The following PIK3C2G variants were observed in gnomAD, a reference collection of about 807,000 sequenced individuals.
PIK3C2G encodes phosphatidylinositol-4-phosphate 3-kinase catalytic subunit type 2 gamma.
PIK3C2G carries 168 observed loss-of-function variants against 181.1 expected under a neutral mutation model. The ratio of observed to expected loss-of-function variants is 0.93; its 90% CI spans 0.82 to 1.05. The LOEUF is 1.05. PIK3C2G is among the 50% of genes least tolerant of loss of function. PIK3C2G has a pLI of 0.00. For missense variants in PIK3C2G, 1,869 were observed against 1,732.8 expected (o/e 1.08, Z -1.40); for synonymous variants, 573 against 592.2 (o/e 0.97, Z 0.47).
rs780614960 is a variant in PIK3C2G at position 18,562,922 on chromosome 12, C to G, written c.3780+30C>G. 2.1e-6 allele frequency: 3 copies of G among 1,453,486 alleles called. No homozygotes were observed. In the African/African-American group the frequency reaches 4.2e-5, roughly 20 times the overall value. The allele number at this position is 1,453,486 out of a possible 1,614,324, so 90.0% of individuals were successfully genotyped here. A position where few individuals can be genotyped will look rare whatever the true frequency, so the allele number is the denominator to read the frequency against. ...GTTTAAAGTCCGTCATCTTGACTTA[C>G]GTATCACTTGACTTTATCTCAGACT... On this transcript the variant is annotated intron_variant, in intron 27 of 32. Coordinates refer to ENST00000538779, the MANE Select transcript of PIK3C2G (RefSeq NM_001288772.2).
At chr12:18,430,018 G>A (rs529760794) in intron 18 of PIK3C2G, among the ~76,000 whole-genome samples, 1 of 152,224 alleles carries the variant, frequency 6.6e-6, no homozygotes, top group Non-Finnish European at 1.5e-5. Flanking sequence ...TCTCATCCTT[G>A]TTAATTCCTT....
intron 31 of PIK3C2G, among the ~76,000 whole-genome samples, chr12:18,622,379 G>C (rs1416576391): frequency 3.3e-5 from 5 of 151,852 alleles, no homozygotes; most frequent in Non-Finnish European, 7.4e-5. Context: ...TATTGTAAAT[G>C]ACAGAATTTC....
At chr12:18,416,842 T>C (rs746748689) in intron 16 of PIK3C2G, among the ~76,000 whole-genome samples, 7 of 152,200 alleles carry the variant, frequency 4.6e-5, no homozygotes, top group Non-Finnish European at 1.0e-4. Context: ...TAACAAAACA[T>C]CCATTCTGAA....
chr12:18,651,857 G>A (rs1449884522), downstream of PIK3C2G, among the ~76,000 whole-genome samples: 1 of 152,176 alleles, frequency 6.6e-6, no homozygotes, highest in Non-Finnish European at 1.5e-5. Context: ...GCAGGATGGA[G>A]CCAGGGGCAG....
Position 18,647,649 on chromosome 12 carries a change from T to C in PIK3C2G, c.4309-227T>C, listed in dbSNP as rs549189860. Among the ~76,000 whole-genome samples the C allele has an allele frequency of 5.3e-5, 8 of 150,640 alleles. No homozygotes were observed. In the South Asian group the frequency reaches 1.7e-3, roughly 31 times the overall value. ...AGTGGGTAATTCTTAGTGGAATCAG[T>C]AAATTCTAGGATTCTTACAAAAATA... On this transcript the variant is annotated intron_variant, in intron 32 of 32. Coordinates refer to ENST00000538779, the MANE Select transcript of PIK3C2G (RefSeq NM_001288772.2).
chr12:18,395,763 T>C (rs549100922), intron 15 of PIK3C2G, among the ~76,000 whole-genome samples: 2 of 151,550 alleles, frequency 1.3e-5, no homozygotes, highest in African/African-American at 2.4e-5. Flanking sequence ...GTTCCAAGTT[T>C]TTCATATTAT....
chr12:18,252,824 G>T (rs1214201427), intron 1 of PIK3C2G, among the ~76,000 whole-genome samples: 1 of 152,138 alleles, frequency 6.6e-6, no homozygotes, highest in Non-Finnish European at 1.5e-5. Flanking sequence ...GGGGAGAAGG[G>T]CAGGAGAAGG....
chr12:18,541,888 C>T (rs1944172687), intron 25 of PIK3C2G, among the ~76,000 whole-genome samples: 1 of 151,824 alleles, frequency 6.6e-6, no homozygotes. Context: ...GTCTCCTCTC[C>T]AAGGAACAGA....
intron 24 of PIK3C2G, among the ~76,000 whole-genome samples, chr12:18,521,374 C>T (rs764333910): frequency 6.6e-6 from 1 of 152,322 alleles, no homozygotes. Flanking sequence ...GCTGGCCTGC[C>T]GAATCTGTGG....
At chr12:18,562,941 T>G in intron 27 of PIK3C2G, 49 bp downstream of exon 27, 1 of 1,239,798 alleles carries the variant, frequency 8.1e-7, no homozygotes, top group Non-Finnish European at 1.2e-6. Context: ...TGACTTTATC[T>G]CAGACTTCTC....
chr12:18,692,889 A>G, the PIK3C2G span: 1 of 1,602,528 alleles, frequency 6.2e-7, no homozygotes, highest in Non-Finnish European at 8.5e-7. Flanking sequence ...GAAAAAGAAG[A>G]AGAAAACAAA....
chr12:18,513,593 T>A (rs1291282184), intron 24 of PIK3C2G, among the ~76,000 whole-genome samples: 1 of 151,826 alleles, frequency 6.6e-6, no homozygotes, highest in African/African-American at 2.4e-5. Flanking sequence ...TAATTGCTCA[T>A]CCCATTTTTT....
chr12:18,492,649 T>C (rs188178230), intron 20 of PIK3C2G, among the ~76,000 whole-genome samples: 3 of 152,352 alleles, frequency 2.0e-5, no homozygotes, highest in Admixed American at 2.0e-4. Context: ...TACCTTAATG[T>C]AGAAAGAACA....
chr12:18,449,565 C>T (rs1252194625), intron 18 of PIK3C2G, among the ~76,000 whole-genome samples: 1 of 152,078 alleles, frequency 6.6e-6, no homozygotes, highest in Non-Finnish European at 1.5e-5. Context: ...GTCTCCTGTT[C>T]CTGAGTTAGT....
chr12:18,637,646 T>C (rs1949665554), intron 31 of PIK3C2G, among the ~76,000 whole-genome samples: 1 of 152,178 alleles, frequency 6.6e-6, no homozygotes. Context: ...GGTTTCCCAA[T>C]TCAGTGACTG....
intron 30 of PIK3C2G, among the ~76,000 whole-genome samples, chr12:18,594,938 A>G (rs993050789): frequency 6.6e-6 from 1 of 152,076 alleles, no homozygotes; most frequent in Non-Finnish European, 1.5e-5. Context: ...ATTTGCACAC[A>G]TTAAAAATTT....
At chr12:18,303,138 C>T (rs1015114131) in intron 5 of PIK3C2G, among the ~76,000 whole-genome samples, 1 of 131,136 alleles carries the variant, frequency 7.6e-6, no homozygotes, top group Non-Finnish European at 1.7e-5. Flanking sequence ...TTCTTTCTTT[C>T]TTTTCTTTTC....
chr12:18,509,344 A>G (rs1565461915), intron 24 of PIK3C2G, among the ~76,000 whole-genome samples: 1 of 152,206 alleles, frequency 6.6e-6, no homozygotes, highest in Non-Finnish European at 1.5e-5. Flanking sequence ...CACTGCACCC[A>G]GTTACAAAAT....
intron 31 of PIK3C2G, among the ~76,000 whole-genome samples, chr12:18,636,427 C>T (rs1389905127): frequency 1.3e-5 from 2 of 152,106 alleles, no homozygotes; most frequent in Non-Finnish European, 2.9e-5. Flanking sequence ...GATGGGGTTT[C>T]TCCATGTTGG....
Sources: allele counts gnomAD v4.1 joint callset (sites outside exome capture counted in the v4.1 genomes callset), GRCh38; gene constraint gnomAD v4.1.1; transcripts MANE v1.5; gene names NCBI Gene and HGNC (gene_info 2026-07-23, HGNC 2026-07-21).